SGCD: variants seen among roughly 807,000 people sequenced by gnomAD.
SGCD encodes the protein delta-sarcoglycan.
SGCD carries 18 observed loss-of-function variants against 36.6 expected under a neutral mutation model. The observed-to-expected ratio is 0.49, with a 90% CI of 0.34 to 0.73. The LOEUF (loss-of-function observed/expected upper bound fraction) is 0.73. SGCD is among the 30% of genes least tolerant of loss of function. The probability of loss-of-function intolerance (pLI) is 0.01; values close to 1 mark genes in which losing one functional copy is unlikely to be tolerated. For missense variants in SGCD, 387 were observed against 346.7 expected, an observed-to-expected ratio of 1.12 and a Z score of -0.92; for synonymous variants, 133 against 130.6, an observed-to-expected ratio of 1.02 and a Z score of -0.12.
At chr5:156,091,312 C>A (rs764557742) in intron 1 of SGCD, among the ~76,000 whole-genome samples, 18 of 152,214 alleles carry the variant, frequency 1.2e-4, no homozygotes, top group Non-Finnish European at 1.8e-4. Flanking sequence ...CAGCCGGTCC[C>A]TCTGTTCAGG....
intron 3 of SGCD, among the ~76,000 whole-genome samples, chr5:156,349,989 A>C (rs940336193): frequency 1.3e-4 from 20 of 151,914 alleles, no homozygotes; most frequent in Non-Finnish European, 2.2e-4. Flanking sequence ...GGAATCAAAA[A>C]TCTGATACCA....
At chr5:156,394,948 T>G (rs1771769833) in intron 3 of SGCD, among the ~76,000 whole-genome samples, 1 of 152,266 alleles carries the variant, frequency 6.6e-6, no homozygotes, top group Admixed American at 6.5e-5. Context: ...TTGCACTGGT[T>G]ACTTCCTTTG....
chr5:155,818,587 C>T, the SGCD span, among the ~76,000 whole-genome samples: 1 of 152,210 alleles, frequency 6.6e-6, no homozygotes, highest in Non-Finnish European at 1.5e-5. Context: ...GTGACAGGAT[C>T]ATGGCTCCCT....
chr5:156,234,587 G>A (rs1765108318), intron 3 of SGCD, among the ~76,000 whole-genome samples: 1 of 152,102 alleles, frequency 6.6e-6, no homozygotes, highest in Non-Finnish European at 1.5e-5. Flanking sequence ...TTGGTCCATG[G>A]GGCTAATGGG....
intron 7 of SGCD, among the ~76,000 whole-genome samples, chr5:156,672,339 A>G (rs1753331033): frequency 6.6e-6 from 1 of 152,172 alleles, no homozygotes. Context: ...AGTCTTAAAC[A>G]GTAAGGGTGG....
At chr5:156,559,265 T>G (rs1304471056) in intron 4 of SGCD, among the ~76,000 whole-genome samples, 1 of 152,128 alleles carries the variant, frequency 6.6e-6, no homozygotes. Context: ...GACATCCAAC[T>G]TGGAATACCC....
At chr5:156,208,791 G>A (rs1764358293) in intron 3 of SGCD, among the ~76,000 whole-genome samples, 1 of 152,164 alleles carries the variant, frequency 6.6e-6, no homozygotes, top group Non-Finnish European at 1.5e-5. Flanking sequence ...CATCAACATG[G>A]TGGAATAGAA....
At chr5:155,868,107 A>T (rs1232771895), upstream of SGCD, among the ~76,000 whole-genome samples, 2 of 151,672 alleles carry the variant, frequency 1.3e-5, no homozygotes, top group Non-Finnish European at 2.9e-5. Flanking sequence ...GCTGTAGTGC[A>T]GTGGTGCGAT....
chr5:156,155,610 T>C (rs1762937827), intron 3 of SGCD, among the ~76,000 whole-genome samples: 2 of 90,336 alleles, frequency 2.2e-5, no homozygotes, highest in Non-Finnish European at 4.4e-5. Context: ...TGTCGTGGGC[T>C]AGGAAAAAAA....
chr5:156,553,609 C>G (rs1758884113), intron 4 of SGCD, among the ~76,000 whole-genome samples: 1 of 152,170 alleles, frequency 6.6e-6, no homozygotes, highest in Non-Finnish European at 1.5e-5. Flanking sequence ...CATCAGCAGT[C>G]AGTCTCCATC....
At chr5:156,325,441 C>G (rs891095898), upstream of SGCD, among the ~76,000 whole-genome samples, 1 of 151,898 alleles carries the variant, frequency 6.6e-6, no homozygotes, top group African/African-American at 2.4e-5. Flanking sequence ...GAATCCTTAA[C>G]AATTCTACCA....
At chr5:156,488,440 A>T (rs1337547691) in intron 3 of SGCD, among the ~76,000 whole-genome samples, 1 of 152,154 alleles carries the variant, frequency 6.6e-6, no homozygotes, top group Non-Finnish European at 1.5e-5. Flanking sequence ...GGAATTCCTC[A>T]TCAAACTAAC....
At chr5:155,840,026 C>T in the SGCD span, among the ~76,000 whole-genome samples, 1 of 151,716 alleles carries the variant, frequency 6.6e-6, no homozygotes, top group African/African-American at 2.4e-5. Flanking sequence ...TTGAATGTGC[C>T]TGAATTGCAA....
At chr5:155,943,823 G>C (rs1757382606) in intron 1 of SGCD, among the ~76,000 whole-genome samples, 1 of 152,114 alleles carries the variant, frequency 6.6e-6, no homozygotes, top group African/African-American at 2.4e-5. Flanking sequence ...TCTATTTACA[G>C]ACTCTCCATT....
intron 1 of SGCD, among the ~76,000 whole-genome samples, chr5:155,871,381 C>T (rs535513048): frequency 6.6e-6 from 1 of 152,234 alleles, no homozygotes; most frequent in African/African-American, 2.4e-5. Flanking sequence ...GATTTGCGAC[C>T]TCTCTGCCGA....
intron 3 of SGCD, among the ~76,000 whole-genome samples, chr5:156,158,758 A>G (rs1763021421): frequency 6.6e-6 from 1 of 151,626 alleles, no homozygotes; most frequent in Non-Finnish European, 1.5e-5. Flanking sequence ...TTTAGCAGGC[A>G]CTTAGAATTA....
chr5:156,356,775 C>T (rs965579091), intron 3 of SGCD, among the ~76,000 whole-genome samples: 4 of 152,076 alleles, frequency 2.6e-5, no homozygotes, highest in Admixed American at 1.3e-4. Flanking sequence ...GGAGATAATT[C>T]CTGGATTACC....
At chr5:156,626,878 A>T (rs746728488) in intron 6 of SGCD, among the ~76,000 whole-genome samples, 1 of 152,180 alleles carries the variant, frequency 6.6e-6, no homozygotes, top group African/African-American at 2.4e-5. Context: ...AGATGGACCT[A>T]TTACCCCAGG....
chr5:156,146,333 T>C (rs1044076767), intron 3 of SGCD, among the ~76,000 whole-genome samples: 3 of 152,318 alleles, frequency 2.0e-5, no homozygotes, highest in South Asian at 4.1e-4. Flanking sequence ...ATTTATATTG[T>C]CATAATAAAC....
Sources: allele counts gnomAD v4.1 joint callset (sites outside exome capture counted in the v4.1 genomes callset), GRCh38; gene constraint gnomAD v4.1.1; transcripts MANE v1.5; gene names NCBI Gene and HGNC (gene_info 2026-07-23, HGNC 2026-07-21).